The following GDPD1 variants were observed in gnomAD, a reference collection of about 807,000 sequenced individuals.
GDPD1 encodes the protein lysophospholipase D GDPD1.
Under a neutral mutation model 45.1 loss-of-function variants are expected in GDPD1, and 28 were observed. That is an observed-to-expected ratio of 0.62 (90% CI 0.46 to 0.85). GDPD1 has a LOEUF of 0.85. Ranked by LOEUF, GDPD1 falls within the 40% of genes least tolerant of loss-of-function variation. The probability of loss-of-function intolerance (pLI) is 0.00; values close to 1 mark genes in which losing one functional copy is unlikely to be tolerated. For missense variants in GDPD1, 256 were observed against 364.8 expected, an observed-to-expected ratio of 0.70 and a Z score of 2.43; for synonymous variants, 139 against 131.4, an observed-to-expected ratio of 1.06 and a Z score of -0.40.
At chr17:59,242,856 A>G (rs1049203416) in intron 2 of GDPD1, among the ~76,000 whole-genome samples, 1 of 152,178 alleles carries the variant, frequency 6.6e-6, no homozygotes, top group African/African-American at 2.4e-5. Flanking sequence ...ATGAATTCCC[A>G]TGGCTCCACC....
intron 6 of GDPD1, among the ~76,000 whole-genome samples, chr17:59,263,421 T>C (rs922689740): frequency 6.6e-6 from 1 of 152,084 alleles, no homozygotes; most frequent in Non-Finnish European, 1.5e-5. Context: ...ATAAAATTTG[T>C]CTTTCATATT....
chr17:59,233,277 G>C (rs1334068447), intron 1 of GDPD1, among the ~76,000 whole-genome samples: 3 of 152,138 alleles, frequency 2.0e-5, no homozygotes, highest in African/African-American at 7.2e-5. Flanking sequence ...ACTTTGGGAG[G>C]CTGAAGCGGG....
chr17:59,255,841 A>ACGCG (rs2047301610), intron 4 of GDPD1, among the ~76,000 whole-genome samples: 3 of 92,222 alleles, frequency 3.3e-5, no homozygotes, highest in African/African-American at 1.3e-4. Flanking sequence ...GTATATATAT[A>ACGCG]TATATATATA....
intron 1 of GDPD1, among the ~76,000 whole-genome samples, chr17:59,233,935 A>G (rs918266111): frequency 2.0e-5 from 3 of 152,192 alleles, no homozygotes; most frequent in Admixed American, 2.0e-4. Flanking sequence ...TGAAAACTAA[A>G]TAAATTTTAT....
At chr17:59,257,359 A>G in intron 5 of GDPD1, 119 bp downstream of exon 5, 1 of 620,674 alleles carries the variant, frequency 1.6e-6, no homozygotes, top group Admixed American at 2.9e-5. Flanking sequence ...CCTAGGGATC[A>G]GCATTGTTTT....
intron 7 of GDPD1, among the ~76,000 whole-genome samples, chr17:59,270,652 A>G (rs538041160): frequency 7.2e-5 from 11 of 152,300 alleles, no homozygotes; most frequent in Non-Finnish European, 1.2e-4. Flanking sequence ...ATATGAGCCT[A>G]GGGCACCAGG....
chr17:59,255,509 A>C (rs2047289342), intron 4 of GDPD1, among the ~76,000 whole-genome samples: 1 of 151,214 alleles, frequency 6.6e-6, no homozygotes, highest in African/African-American at 2.4e-5. Context: ...TGGGAGGCCA[A>C]GGCTGGTGGA....
intron 2 of GDPD1, among the ~76,000 whole-genome samples, chr17:59,236,489 T>C (rs1768170537): frequency 6.6e-6 from 1 of 151,160 alleles, no homozygotes; most frequent in Non-Finnish European, 1.5e-5. Flanking sequence ...TTTTTGTTGT[T>C]GTTGTTGTTG....
chr17:59,266,921 C>A, intron 6 of GDPD1, 120 bp from the exon 7 acceptor site: 1 of 807,262 alleles, frequency 1.2e-6, no homozygotes, highest in Non-Finnish European at 2.0e-6. Flanking sequence ...TATTCATAAT[C>A]CCAGGAATGC....
Position 59,257,854 on chromosome 17 carries a change from A to G in GDPD1, c.576+14A>G, listed in dbSNP as rs575026953. On this transcript the variant is annotated intron_variant, in intron 6 of 9. Coordinates refer to ENST00000284116, the MANE Select transcript of GDPD1 (RefSeq NM_182569.4). ...TGCTACAAAGAGGTAAGCTTCAAAAATGATACAGAATTATCTATCTTTGTT... is the reference window on the plus strand; with the variant it reads ...TGCTACAAAGAGGTAAGCTTCAAAAGTGATACAGAATTATCTATCTTTGTT... 3.5e-6 allele frequency: 5 copies of G among 1,437,222 alleles called. No individual in the cohort carries two copies. The South Asian group carries it at 6.0e-5, about 17-fold the overall frequency. The allele number at this position is 1,437,222 out of a possible 1,614,324, so 89.0% of individuals were successfully genotyped here.
chr17:59,223,369 A>G (rs1597958052), intron 1 of GDPD1, among the ~76,000 whole-genome samples: 1 of 152,164 alleles, frequency 6.6e-6, no homozygotes, highest in South Asian at 2.1e-4. Flanking sequence ...TCAGTGCTTC[A>G]TATGCTTTTG....
chr17:59,273,539 C>G (rs1173481062), intron 9 of GDPD1, 112 bp from the exon 10 acceptor site: 1 of 506,008 alleles, frequency 2.0e-6, no homozygotes, highest in Non-Finnish European at 3.3e-6. Flanking sequence ...TAAATGATAG[C>G]TTTAAAAGGT....
At chr17:59,260,529 G>A (rs989193161) in intron 6 of GDPD1, among the ~76,000 whole-genome samples, 2 of 151,474 alleles carry the variant, frequency 1.3e-5, no homozygotes, top group African/African-American at 2.4e-5. Flanking sequence ...GCAAGAGACC[G>A]AGACTCTTCT....
At chr17:59,231,013 A>G (rs1473146759) in intron 1 of GDPD1, among the ~76,000 whole-genome samples, 1 of 152,216 alleles carries the variant, frequency 6.6e-6, no homozygotes, top group African/African-American at 2.4e-5. Flanking sequence ...ACTGTCTTCA[A>G]GGAGTGAATT....
chr17:59,251,534 C>A (rs1247784193), intron 4 of GDPD1, among the ~76,000 whole-genome samples: 9 of 150,800 alleles, frequency 6.0e-5, no homozygotes, highest in Non-Finnish European at 1.3e-4. Flanking sequence ...AAAAAAAGAA[C>A]AATGCTGTGG....
intron 6 of GDPD1, among the ~76,000 whole-genome samples, chr17:59,263,663 A>G (rs887629413): frequency 6.6e-6 from 1 of 151,290 alleles, no homozygotes; most frequent in Non-Finnish European, 1.5e-5. Context: ...TATTTTTAGT[A>G]GAGACGGGGT....
At chr17:59,229,553 G>T (rs1243865624) in intron 1 of GDPD1, among the ~76,000 whole-genome samples, 1 of 151,318 alleles carries the variant, frequency 6.6e-6, no homozygotes, top group Non-Finnish European at 1.5e-5. Flanking sequence ...TAGAGATGGG[G>T]GTTTCACCAT....
At chr17:59,250,587 G>C (rs2047245142) in intron 4 of GDPD1, among the ~76,000 whole-genome samples, 1 of 140,648 alleles carries the variant, frequency 7.1e-6, no homozygotes, top group Admixed American at 7.5e-5. Flanking sequence ...CTATGCTCCA[G>C]CCTGGGTGAC....
chr17:59,235,802 G>A (rs543687220), intron 2 of GDPD1, among the ~76,000 whole-genome samples: 190 of 145,732 alleles, frequency 1.3e-3, no homozygotes, highest in African/African-American at 4.7e-3. Flanking sequence ...GGGCAATAGA[G>A]TGAGACTCTA....
Sources: gnomAD v4.1 joint callset for allele counts (sites outside exome capture counted in the v4.1 genomes callset) on GRCh38, gnomAD v4.1.1 for gene constraint, MANE v1.5 for transcripts, NCBI Gene and HGNC (gene_info 2026-07-23, HGNC 2026-07-21) for gene names.